CPNE4: variants seen among roughly 807,000 people sequenced by gnomAD.
CPNE4 encodes copine 4, also known as copine-4.
In CPNE4, 25 loss-of-function variants were observed where a neutral mutation model predicts 67.9. The observed-to-expected ratio is 0.37, with a 90% CI of 0.27 to 0.51. The LOEUF (loss-of-function observed/expected upper bound fraction) is 0.51, where lower values mean the gene tolerates loss of function less well. CPNE4 is among the 20% of genes least tolerant of loss of function. The pLI is 0.93. For missense variants in CPNE4, 464 were observed against 690.8 expected (o/e 0.67, Z 3.68); for synonymous variants, 242 against 244.9 (o/e 0.99, Z 0.11).
At chr3:131,615,933 A>ACACG (rs1553739669) in intron 7 of CPNE4, among the ~76,000 whole-genome samples, 12 of 130,604 alleles carry the variant, frequency 9.2e-5, no homozygotes, top group Non-Finnish European at 1.2e-4. Context: ...ACACACGCAC[A>ACACG]CACACACACA....
chr3:131,593,341 G>A (rs928418680), intron 7 of CPNE4, among the ~76,000 whole-genome samples: 7 of 152,108 alleles, frequency 4.6e-5, no homozygotes, highest in African/African-American at 1.7e-4. Context: ...TCTTTCATCA[G>A]TATTTTGTAG....
intron 3 of CPNE4, among the ~76,000 whole-genome samples, chr3:131,717,934 CTTTCT>C (rs2081771415): frequency 7.9e-6 from 1 of 126,624 alleles, no homozygotes; most frequent in Non-Finnish European, 1.7e-5. Context: ...TTCTTTCTTT[CTTTCT>C]TTCTTTTCTT....
intron 1 of CPNE4, among the ~76,000 whole-genome samples, chr3:132,022,014 T>C (rs1325511633): frequency 6.6e-6 from 1 of 152,238 alleles, no homozygotes; most frequent in East Asian, 1.9e-4. Context: ...CCCATAGGAT[T>C]AGGCAGGTCC....
At chr3:131,700,560 T>C (rs986312942) in intron 3 of CPNE4, among the ~76,000 whole-genome samples, 1 of 152,210 alleles carries the variant, frequency 6.6e-6, no homozygotes, top group African/African-American at 2.4e-5. Flanking sequence ...ATCATCATCA[T>C]ACTGAAAGCT....
At chr3:131,775,394 A>C (rs2083268278) in intron 2 of CPNE4, among the ~76,000 whole-genome samples, 1 of 152,140 alleles carries the variant, frequency 6.6e-6, no homozygotes, top group Non-Finnish European at 1.5e-5. Context: ...TAAATGTCCA[A>C]AAGATGCTAG....
At chr3:131,882,983 C>A (rs371759523) in intron 2 of CPNE4, among the ~76,000 whole-genome samples, 10 of 152,248 alleles carry the variant, frequency 6.6e-5, no homozygotes, top group African/African-American at 2.4e-4. Context: ...TCCCAAAGTG[C>A]TGGGATTACA....
chr3:131,660,603 T>C (rs1305524970), intron 7 of CPNE4, among the ~76,000 whole-genome samples: 1 of 152,178 alleles, frequency 6.6e-6, no homozygotes, highest in African/African-American at 2.4e-5. Flanking sequence ...GACTTTAGGT[T>C]CTGGTATGGA....
chr3:131,604,702 C>T (rs1163180045), intron 7 of CPNE4, among the ~76,000 whole-genome samples: 1 of 152,090 alleles, frequency 6.6e-6, no homozygotes, highest in Non-Finnish European at 1.5e-5. Flanking sequence ...CCTTGCTCCT[C>T]AGCCTGCAGA....
chr3:132,025,724 CAT>C (rs2074101775), intron 1 of CPNE4, among the ~76,000 whole-genome samples: 1 of 152,186 alleles, frequency 6.6e-6, no homozygotes, highest in Non-Finnish European at 1.5e-5. Context: ...CATCCTATAA[CAT>C]AGACACAATC....
intron 7 of CPNE4, among the ~76,000 whole-genome samples, chr3:131,642,747 G>C (rs890543900): frequency 7.2e-5 from 11 of 152,066 alleles, no homozygotes; most frequent in Admixed American, 6.5e-5. Context: ...TCCCTTTGCC[G>C]CCATGTGAGG....
At chr3:131,653,221 C>T (rs183463537) in intron 7 of CPNE4, among the ~76,000 whole-genome samples, 1 of 148,838 alleles carries the variant, frequency 6.7e-6, no homozygotes, top group Non-Finnish European at 1.5e-5. Context: ...TCTCGGCTCA[C>T]TGCAAGCTCC....
intron 7 of CPNE4, among the ~76,000 whole-genome samples, chr3:131,637,825 A>C (rs1331349062): frequency 6.6e-6 from 1 of 152,208 alleles, no homozygotes; most frequent in Non-Finnish European, 1.5e-5. Flanking sequence ...CTATCAGATT[A>C]AGAGCAGATT....
intron 1 of CPNE4, among the ~76,000 whole-genome samples, chr3:132,012,658 T>C (rs1462644739): frequency 6.6e-6 from 1 of 152,152 alleles, no homozygotes; most frequent in Non-Finnish European, 1.5e-5. Context: ...TGGGAAGTCC[T>C]TCATCTGATT....
chr3:131,678,711 T>C lies in CPNE4; in HGVS notation c.591+7164A>G, dbSNP rs535679712. Among the ~76,000 whole-genome samples, 4 of 152,330 alleles carry C rather than the reference T, an allele frequency of 2.6e-5. No individual in the cohort carries two copies. In the South Asian group the frequency reaches 8.3e-4, roughly 32 times the overall value. On this transcript the variant is annotated intron_variant, in intron 6 of 15. Coordinates refer to ENST00000429747, the MANE Select transcript of CPNE4 (RefSeq NM_130808.3). ...GAGGTAATCTTGTGGTTTTTGTCTT[T>C]TGTTCTGTTTATGTGATGAATCACA...
intron 2 of CPNE4, among the ~76,000 whole-genome samples, chr3:131,869,243 G>C (rs1248243519): frequency 1.3e-5 from 2 of 152,124 alleles, no homozygotes; most frequent in Non-Finnish European, 2.9e-5. Context: ...ACTCAACCTT[G>C]CTTCTCACTG....
chr3:131,835,199 A>G (rs1368891756), intron 2 of CPNE4, among the ~76,000 whole-genome samples: 1 of 152,134 alleles, frequency 6.6e-6, no homozygotes, highest in African/African-American at 2.4e-5. Context: ...TGTGCTAGAG[A>G]AGCCAGCAAC....
At chr3:131,593,958 T>G (rs1388451477) in intron 7 of CPNE4, among the ~76,000 whole-genome samples, 1 of 152,128 alleles carries the variant, frequency 6.6e-6, no homozygotes, top group Non-Finnish European at 1.5e-5. Flanking sequence ...GACCTCGTAA[T>G]CTGCCTGCCT....
chr3:131,538,737 T>A (rs1182511418), intron 15 of CPNE4: 3 of 152,206 alleles, frequency 2.0e-5, no homozygotes, highest in Non-Finnish European at 4.4e-5. Flanking sequence ...TCATAAGATG[T>A]CAGTATCATG....
At chr3:131,625,755 A>G (rs1053497274) in intron 7 of CPNE4, among the ~76,000 whole-genome samples, 1 of 152,148 alleles carries the variant, frequency 6.6e-6, no homozygotes, top group Non-Finnish European at 1.5e-5. Context: ...ACAGTAAGAG[A>G]TTGCCAAAAA....
Sources: allele counts gnomAD v4.1 joint callset (sites outside exome capture counted in the v4.1 genomes callset), GRCh38; gene constraint gnomAD v4.1.1; transcripts MANE v1.5; gene names NCBI Gene and HGNC (gene_info 2026-07-23, HGNC 2026-07-21).